Variants in PTPRT observed in about 807,000 individuals in gnomAD.
PTPRT encodes the protein protein tyrosine phosphatase receptor type T, also known as receptor-type tyrosine-protein phosphatase T.
In PTPRT, 56 loss-of-function variants were observed where a neutral mutation model predicts 176.8. The observed-to-expected ratio is 0.32, with a 90% CI of 0.26 to 0.40. The LOEUF (loss-of-function observed/expected upper bound fraction) is 0.40. Ranked by LOEUF, PTPRT falls within the 10% of genes least tolerant of loss-of-function variation. The pLI is 1.00. For synonymous variants in PTPRT, 783 were observed against 739.0 expected (o/e 1.06, Z -0.96); for missense variants, 1,540 against 1,908.2 (o/e 0.81, Z 3.60).
intron 15 of PTPRT, among the ~76,000 whole-genome samples, chr20:42,229,554 C>G (rs1459838293): frequency 6.6e-6 from 1 of 152,130 alleles, no homozygotes; most frequent in Non-Finnish European, 1.5e-5. Flanking sequence ...GCAATGATAT[C>G]TGCTTCACAG....
chr20:42,713,874 T>A (rs541051231), intron 6 of PTPRT, among the ~76,000 whole-genome samples: 131 of 152,294 alleles, frequency 8.6e-4, no homozygotes, highest in African/African-American at 3.0e-3. Context: ...TGCTTCCCCT[T>A]TGCCTTCTGC....
chr20:42,957,727 C>T (rs1359670414), intron 1 of PTPRT, among the ~76,000 whole-genome samples: 1 of 152,142 alleles, frequency 6.6e-6, no homozygotes, highest in East Asian at 1.9e-4. Context: ...GCACTGTACC[C>T]ATCTCTGGAA....
chr20:42,134,653 C>T (rs1356881525), intron 18 of PTPRT, among the ~76,000 whole-genome samples: 1 of 152,146 alleles, frequency 6.6e-6, no homozygotes, highest in African/African-American at 2.4e-5. Flanking sequence ...ATACAGCTCC[C>T]TGTGGGAAAA....
At chr20:42,417,371 T>C (rs2059075553) in intron 9 of PTPRT, among the ~76,000 whole-genome samples, 1 of 152,066 alleles carries the variant, frequency 6.6e-6, no homozygotes, top group African/African-American at 2.4e-5. Flanking sequence ...CAACCCTATA[T>C]ATATGTTGTT....
At chr20:43,065,902 A>G (rs2011108108) in intron 1 of PTPRT, among the ~76,000 whole-genome samples, 1 of 152,228 alleles carries the variant, frequency 6.6e-6, no homozygotes, top group Non-Finnish European at 1.5e-5. Flanking sequence ...ATAGAGTTAA[A>G]GCAATTTGCA....
chr20:42,192,703 CTCT>C (rs1440757075), intron 16 of PTPRT, among the ~76,000 whole-genome samples: 1 of 152,144 alleles, frequency 6.6e-6, no homozygotes, highest in Non-Finnish European at 1.5e-5. Flanking sequence ...AACAAAGGTT[CTCT>C]TTCTTGAACC....
rs143901508 is a variant in PTPRT, at chr20:43,151,034, T to C, written c.88+38612A>G. ...AAAAATGGCATAGACTGGTCGGGTG[T>C]GGTGGCTCACGCCTGTAATCCCAGC... On this transcript the variant is annotated intron_variant, in intron 1 of 30. Coordinates refer to ENST00000373187, the MANE Select transcript of PTPRT (RefSeq NM_007050.6). 5.4e-3 allele frequency among the ~76,000 whole-genome samples: 822 copies of C among 152,058 alleles called. 5 individuals carry two copies. The highest frequency in any genetic ancestry group is 0.018 in the African/African-American group (768 of 41,522).
intron 9 of PTPRT, among the ~76,000 whole-genome samples, chr20:42,363,105 G>GA (rs71193658): frequency 0.39 from 18,324 of 47,242 alleles, 4,173 homozygotes; most frequent in East Asian, 0.52. Flanking sequence ...CTCCATTTCA[G>GA]AAAAAAAAAA....
chr20:43,126,866 T>A (rs1002225098), intron 1 of PTPRT, among the ~76,000 whole-genome samples: 1 of 152,014 alleles, frequency 6.6e-6, no homozygotes, highest in African/African-American at 2.4e-5. Context: ...ATCCATAGAG[T>A]GCTTCTTCTC....
intron 7 of PTPRT, among the ~76,000 whole-genome samples, chr20:42,600,523 T>C (rs566911928): frequency 6.6e-6 from 1 of 152,212 alleles, no homozygotes; most frequent in African/African-American, 2.4e-5. Context: ...ATGGATATAT[T>C]GTACAGTAGT....
At chr20:42,671,534 C>G (rs2075413004) in intron 7 of PTPRT, among the ~76,000 whole-genome samples, 1 of 152,172 alleles carries the variant, frequency 6.6e-6, no homozygotes, top group South Asian at 2.1e-4. Flanking sequence ...ATGGGATTTT[C>G]CAGGAGATGA....
intron 2 of PTPRT, among the ~76,000 whole-genome samples, chr20:42,859,998 C>A (rs1465081542): frequency 6.6e-5 from 10 of 152,078 alleles, no homozygotes; most frequent in Admixed American, 6.5e-4. Context: ...CTGTCCTGCT[C>A]CCCAAAATTA....
chr20:42,993,087 G>T (rs1342548372), intron 1 of PTPRT, among the ~76,000 whole-genome samples: 1 of 152,062 alleles, frequency 6.6e-6, no homozygotes, highest in Non-Finnish European at 1.5e-5. Context: ...ACAAACTGAG[G>T]CATGACGAGC....
the PTPRT span, among the ~76,000 whole-genome samples, chr20:42,058,482 C>T: frequency 6.6e-6 from 1 of 152,198 alleles, no homozygotes; most frequent in African/African-American, 2.4e-5. Context: ...CAGCCACTCT[C>T]ATATTCTCCA....
At chr20:42,910,456 G>A (rs931668067) in intron 1 of PTPRT, among the ~76,000 whole-genome samples, 1 of 152,102 alleles carries the variant, frequency 6.6e-6, no homozygotes, top group Non-Finnish European at 1.5e-5. Context: ...GTAAGATAGG[G>A]AAACTCTGTT....
At chr20:42,886,481 C>T (rs1345087398) in intron 1 of PTPRT, among the ~76,000 whole-genome samples, 1 of 152,196 alleles carries the variant, frequency 6.6e-6, no homozygotes, top group East Asian at 1.9e-4. Context: ...TGAAAAGTAA[C>T]TGCCACAGAA....
At chr20:42,738,405 G>A (rs922390295) in intron 6 of PTPRT, among the ~76,000 whole-genome samples, 27 of 151,900 alleles carry the variant, frequency 1.8e-4, no homozygotes, top group Non-Finnish European at 3.8e-4. Flanking sequence ...CCAGCTACTC[G>A]GGAGGCTGAG....
chr20:42,193,240 G>A (rs1166098637), intron 16 of PTPRT, among the ~76,000 whole-genome samples: 1 of 152,216 alleles, frequency 6.6e-6, no homozygotes, highest in African/African-American at 2.4e-5. Flanking sequence ...GAATGACTAA[G>A]ACTCCATATT....
intron 7 of PTPRT, among the ~76,000 whole-genome samples, chr20:42,617,918 GT>G (rs1281289624): frequency 7.2e-6 from 1 of 138,000 alleles, no homozygotes. Flanking sequence ...TTTTTGAAGG[GT>G]TTTTTGTATC....
Sources: gnomAD v4.1 joint callset for allele counts (sites outside exome capture counted in the v4.1 genomes callset) on GRCh38, gnomAD v4.1.1 for gene constraint, MANE v1.5 for transcripts, NCBI Gene and HGNC (gene_info 2026-07-23, HGNC 2026-07-21) for gene names.